The following PCDHGA2 variants were observed in gnomAD, a reference collection of about 807,000 sequenced individuals.
The protein encoded by PCDHGA2 is protocadherin gamma subfamily A, 2.
A neutral mutation model predicts 59.2 loss-of-function variants in PCDHGA2; 40 were observed. The ratio of observed to expected loss-of-function variants is 0.68; its 90% CI spans 0.52 to 0.88. The LOEUF (loss-of-function observed/expected upper bound fraction) is 0.88, where lower values mean the gene tolerates loss of function less well. PCDHGA2 is among the 40% of genes least tolerant of loss of function. PCDHGA2 has a pLI of 0.00. For missense variants in PCDHGA2, 1,226 were observed against 1,204.0 expected (o/e 1.02, Z -0.27); for synonymous variants, 560 against 526.0 (o/e 1.06, Z -0.89).
intron 1 of PCDHGA2, chr5:141,403,959 C>T (rs1415465011): frequency 2.5e-6 from 4 of 1,613,568 alleles, no homozygotes; most frequent in Non-Finnish European, 3.4e-6. Context: ...GTGCTCATTT[C>T]GGTGGAAGAT....
chr5:141,392,741 C>T, intron 1 of PCDHGA2: 1 of 1,435,876 alleles, frequency 7.0e-7, no homozygotes. Context: ...ATCTCCATAG[C>T]TGCGGCAAGA....
Position 141,340,537 on chromosome 5 carries a change from T to C in PCDHGA2, c.1566T>C (p.Tyr522=), listed in dbSNP as rs776292365. The change falls in exon 1 of 4, where the codon TAT becomes TAC. Residue 522 remains tyrosine (Y), a synonymous_variant. Transcript: ENST00000394576. ...TCTATGCACTGCGCTCCTTTGATTA[T>C]GAGCAGTTGCGAGACTTGCAAGTGT... is the stretch of plus-strand genomic sequence containing the variant. The part of the protein sequence containing the change: ...GVLYALRSFD[Y]EQLRDLQVWV... 1.2e-6 allele frequency: 2 copies of C among 1,614,246 alleles called. No homozygotes were observed. The highest frequency in any genetic ancestry group is 1.7e-6 in the Non-Finnish European group (2 of 1,180,036).
At chr5:141,439,934 G>T (rs1477526863) in intron 1 of PCDHGA2, 2 of 152,382 alleles carry the variant, frequency 1.3e-5, no homozygotes, top group Admixed American at 1.3e-4. Context: ...ATCCTGCTGG[G>T]CATTCTCTAT....
intron 1 of PCDHGA2, chr5:141,355,109 T>C: frequency 2.0e-6 from 3 of 1,508,382 alleles, no homozygotes; most frequent in Non-Finnish European, 2.7e-6. Context: ...TGGCTGTGAA[T>C]GCACTTTATT....
At chr5:141,369,716 T>C (rs1229829600) in intron 1 of PCDHGA2, among the ~76,000 whole-genome samples, 1 of 152,218 alleles carries the variant, frequency 6.6e-6, no homozygotes, top group Non-Finnish European at 1.5e-5. Flanking sequence ...TTATAACTTT[T>C]AGAAGTTAGA....
chr5:141,389,916 G>C lies in PCDHGA2; in HGVS notation c.2424+48521G>C, dbSNP rs747654268. 3.1e-6 allele frequency: 5 copies of C among 1,613,904 alleles called. No individual in the cohort carries two copies. In the African/African-American group the frequency reaches 6.7e-5, roughly 22 times the overall value. ...GCTGCCGGATATCACTGACCGCCCC[G>C]ACCCCTCTGACCTCCAGGCTGAGCT... On this transcript the variant is annotated intron_variant, in intron 1 of 3. Transcript: ENST00000394576.
chr5:141,461,303 G>T (rs1390421489), intron 1 of PCDHGA2, among the ~76,000 whole-genome samples: 2 of 152,074 alleles, frequency 1.3e-5, no homozygotes, highest in Non-Finnish European at 2.9e-5. Flanking sequence ...AACATCTATT[G>T]TTTTTTGACT....
rs2097527384 is a variant in PCDHGA2 at position 141,432,674 on chromosome 5, A to G, written c.2425-62133A>G. 2 of 1,613,856 alleles carry G rather than the reference A, an allele frequency of 1.2e-6. No homozygotes were observed. The highest frequency in any genetic ancestry group is 4.5e-5 in the East Asian group (2 of 44,840). On this transcript the variant is annotated intron_variant, in intron 1 of 3. Coordinates refer to ENST00000394576, the MANE Select transcript of PCDHGA2 (RefSeq NM_018915.4). The surrounding 1 kb of genome is among the most constrained non-coding windows in gnomAD (Gnocchi z 6.0). ...AGCCCTGCTGGACAGAGACGCGCTCAAGCAGAGCCTCGTAGTGGCCGTCCA... is the reference window on the plus strand; with the variant it reads ...AGCCCTGCTGGACAGAGACGCGCTCGAGCAGAGCCTCGTAGTGGCCGTCCA...
chr5:141,410,976 C>G (rs750121743), intron 1 of PCDHGA2: 28 of 178,158 alleles, frequency 1.6e-4, no homozygotes, highest in Non-Finnish European at 2.6e-4. Context: ...GCCTCAGCCT[C>G]CCAAGTAGCT....
At chr5:141,506,278 G>A (rs1001662623) in intron 3 of PCDHGA2, among the ~76,000 whole-genome samples, 1 of 152,090 alleles carries the variant, frequency 6.6e-6, no homozygotes. Flanking sequence ...GTGAAACCCT[G>A]TCTCTACTAA....
At chr5:141,418,621 C>G (rs765634746) in intron 1 of PCDHGA2, 2 of 1,613,916 alleles carry the variant, frequency 1.2e-6, no homozygotes, top group Non-Finnish European at 1.7e-6. Flanking sequence ...TTCGGGAAGA[C>G]GTGCCTCCAG....
chr5:141,421,031 T>A, intron 1 of PCDHGA2: 1 of 529,760 alleles, frequency 1.9e-6, no homozygotes, highest in Non-Finnish European at 3.3e-6. Context: ...CGCCATTGAG[T>A]CCCTCCCTCC....
chr5:141,364,578 G>C, intron 1 of PCDHGA2: 1 of 1,614,212 alleles, frequency 6.2e-7, no homozygotes, highest in Non-Finnish European at 8.5e-7. Flanking sequence ...CGAAGCGGCA[G>C]CTTGGTCACC....
At chr5:141,395,992 T>G (rs915228194) in intron 1 of PCDHGA2, 3 of 152,184 alleles carry the variant, frequency 2.0e-5, no homozygotes, top group African/African-American at 7.2e-5. Context: ...TAAAATGTAA[T>G]TTTAAACTGT....
intron 1 of PCDHGA2, chr5:141,352,611 T>C: frequency 6.2e-7 from 1 of 1,613,484 alleles, no homozygotes; most frequent in Non-Finnish European, 8.5e-7. Context: ...CCTTCTATGG[T>C]TGTATGTGCC....
chr5:141,438,621 TATATATATATATATACACACAC>T (rs2098027070), intron 1 of PCDHGA2, among the ~76,000 whole-genome samples: 1 of 41,368 alleles, frequency 2.4e-5, no homozygotes, highest in Non-Finnish European at 4.0e-5. Flanking sequence ...TATATATATA[TATATATATATATATACACACAC>T]ACACACACAT....
At chr5:141,367,035 T>G (rs977436173) in intron 1 of PCDHGA2, 1 of 366,848 alleles carries the variant, frequency 2.7e-6, no homozygotes, top group Non-Finnish European at 4.9e-6. Flanking sequence ...GGAACTGCAG[T>G]TCTATTAATA....
intron 1 of PCDHGA2, chr5:141,414,260 A>G: frequency 6.2e-7 from 1 of 1,613,444 alleles, no homozygotes; most frequent in Non-Finnish European, 8.5e-7. Context: ...CCAGTGACTG[A>G]AGATTCACCT....
At chr5:141,394,260 G>C in intron 1 of PCDHGA2, 1 of 1,613,920 alleles carries the variant, frequency 6.2e-7, no homozygotes, top group Non-Finnish European at 8.5e-7. Flanking sequence ...CGACAGCCAG[G>C]AGAATGCCCA....
Sources: allele counts gnomAD v4.1 joint callset (sites outside exome capture counted in the v4.1 genomes callset), GRCh38; gene constraint gnomAD v4.1.1; non-coding constraint Gnocchi (gnomAD v3.1); transcripts MANE v1.5; gene names NCBI Gene and HGNC (gene_info 2026-07-23, HGNC 2026-07-21).